SDK2: variants seen among roughly 807,000 people sequenced by gnomAD.
The protein encoded by SDK2 is sidekick cell adhesion molecule 2, also known as protein sidekick-2.
In SDK2, 105 loss-of-function variants were observed where a neutral mutation model predicts 253.9. That is an observed-to-expected ratio of 0.41 (90% CI 0.35 to 0.49). The LOEUF is 0.49. Ranked by LOEUF, SDK2 falls within the 20% of genes least tolerant of loss-of-function variation. The pLI, the probability that SDK2 is intolerant of heterozygous loss-of-function variation, is 0.06. For missense variants in SDK2, 2,608 were observed against 3,003.0 expected, an observed-to-expected ratio of 0.87 and a Z score of 3.07; for synonymous variants, 1,249 against 1,234.9, an observed-to-expected ratio of 1.01 and a Z score of -0.24.
chr17:73,414,134 G>A (rs540878045), intron 18 of SDK2, among the ~76,000 whole-genome samples: 242 of 150,252 alleles, frequency 1.6e-3, no homozygotes, highest in Middle Eastern at 0.01. Context: ...TGCAACCTCC[G>A]CCTCCCAGGT....
chr17:73,396,820 C>T (rs2062974899), intron 24 of SDK2, among the ~76,000 whole-genome samples: 1 of 152,116 alleles, frequency 6.6e-6, no homozygotes, highest in African/African-American at 2.4e-5. Context: ...GGTGGGGATG[C>T]CTGGGAGCAA....
In SDK2 at chr17:73,443,120, A is replaced by G. The variant is rs1051932412; in HGVS notation, c.614-2197T>C. On this transcript the variant is annotated intron_variant, in intron 5 of 44. Coordinates refer to ENST00000392650, the MANE Select transcript of SDK2 (RefSeq NM_001144952.2). The surrounding 1 kb of genome is among the most constrained non-coding windows in gnomAD (Gnocchi z 4.6). ...CATGCTGGGCCCTGCGGTGACAGTG[A>G]CAGGCTGTTCTTTATGGGGTTAGGG... Among the ~76,000 whole-genome samples the G allele has an allele frequency of 1.3e-5, 2 of 152,194 alleles. No homozygotes were observed. The highest frequency in any genetic ancestry group is 2.9e-5 in the Non-Finnish European group (2 of 68,036).
chr17:73,360,662 C>T (rs1398462659), intron 39 of SDK2, among the ~76,000 whole-genome samples: 4 of 151,296 alleles, frequency 2.6e-5, no homozygotes, highest in Non-Finnish European at 4.4e-5. Context: ...TTAAAGGAGG[C>T]GATTGGGCAC....
rs139296340 is a variant in SDK2, at chr17:73,450,411, C to T, written c.480-2663G>A. On this transcript the variant is annotated intron_variant, in intron 4 of 44. Coordinates refer to ENST00000392650, the MANE Select transcript of SDK2 (RefSeq NM_001144952.2). Reference sequence around the variant, plus strand: ...ACCTGTCTCTTCCCACCCCGCAGACCGGGACATGGCCAGCTTCAGGGCTGA... The same window carrying T: ...ACCTGTCTCTTCCCACCCCGCAGACTGGGACATGGCCAGCTTCAGGGCTGA... 5.1e-4 allele frequency among the ~76,000 whole-genome samples: 78 copies of T among 152,304 alleles called. No homozygotes were observed. In the East Asian group the frequency reaches 6.4e-3, roughly 12 times the overall value.
chr17:73,352,402 C>T lies in SDK2; in HGVS notation c.5758+71G>A, dbSNP rs976232621. Reference sequence around the variant, plus strand: ...GGTGCCCTGGTGCCTCTCCTCCTTCCGCCCTGCCCAGTGTCAGCCCCCAGG... The same window carrying T: ...GGTGCCCTGGTGCCTCTCCTCCTTCTGCCCTGCCCAGTGTCAGCCCCCAGG... On this transcript the variant is annotated intron_variant, in intron 41 of 44. Coordinates refer to ENST00000392650, the MANE Select transcript of SDK2 (RefSeq NM_001144952.2). This position sits in a 1 kb window ranked among gnomAD's most constrained non-coding sequence, Gnocchi z 4.1. 6.5e-4 allele frequency: 991 copies of T among 1,530,106 alleles called. No individual in the cohort carries two copies. Among genetic ancestry groups the T allele is most frequent in the Non-Finnish European group, 8.2e-4 (931 of 1,133,376 alleles). 94.8% of individuals were successfully genotyped at this position (1,530,106 alleles called of 1,614,324 possible). A position where few individuals can be genotyped will look rare whatever the true frequency, so the allele number is the denominator to read the frequency against.
intron 1 of SDK2, among the ~76,000 whole-genome samples, chr17:73,551,484 G>A (rs939576328): frequency 2.6e-5 from 4 of 152,188 alleles, no homozygotes; most frequent in Non-Finnish European, 2.9e-5. Flanking sequence ...CGAGGCCTTC[G>A]GTTTTCTCCC....
chr17:73,635,803 A>G (rs976719273), intron 1 of SDK2, among the ~76,000 whole-genome samples: 1 of 151,736 alleles, frequency 6.6e-6, no homozygotes, highest in African/African-American at 2.4e-5. Flanking sequence ...GAATGCCCCA[A>G]ATGACCTTAA....
intron 1 of SDK2, among the ~76,000 whole-genome samples, chr17:73,613,362 C>G (rs2143141524): frequency 6.6e-6 from 1 of 151,508 alleles, no homozygotes; most frequent in South Asian, 2.1e-4. Flanking sequence ...TCTCCCCACC[C>G]CCGCCCTCCA....
At position 73,507,587 on chromosome 17, in the gene SDK2, G is replaced by T; in HGVS notation, c.75C>A (p.Ser25=). The T allele has an allele frequency of 6.4e-7, 1 of 1,551,260 alleles. No homozygotes were observed. Among genetic ancestry groups the T allele is most frequent in the South Asian group, 1.2e-5 (1 of 84,024 alleles). ...IRAARAQDDV[S]PYFKTEPVRT... ...GCACAGGCTCTGTCTTGAAATACGG[G>T]GACACATCATCTGCAGAAACAGGGA... Residue 25 remains serine (S), a synonymous_variant, in exon 2 of 45, where the codon TCC becomes TCA. Coordinates refer to ENST00000392650, the MANE Select transcript of SDK2 (RefSeq NM_001144952.2).
chr17:73,634,090 C>T (rs1303402919), intron 1 of SDK2, among the ~76,000 whole-genome samples: 1 of 152,136 alleles, frequency 6.6e-6, no homozygotes, highest in Admixed American at 6.5e-5. Flanking sequence ...AGCATCCAGA[C>T]CCCATCACTA....
At chr17:73,412,005 TATATGTAG>T in intron 18 of SDK2, among the ~76,000 whole-genome samples, 8 of 126,030 alleles carry the variant, frequency 6.3e-5, no homozygotes, top group African/African-American at 1.3e-4. Flanking sequence ...TACACACATA[TATATGTAG>T]ATATACGTAT....
Position 73,358,067 on chromosome 17 carries a change from G to A in SDK2, c.5593+12C>T. ...GAGCTGTGGGGTCTCAGCCCAGCAG[G>A]GCGGGGCGCACCTGAAGGTCTGGCC... On this transcript the variant is annotated intron_variant, in intron 40 of 44. Coordinates refer to ENST00000392650, the MANE Select transcript of SDK2 (RefSeq NM_001144952.2). 2.5e-6 allele frequency: 4 copies of A among 1,613,124 alleles called. No homozygotes were observed. Among genetic ancestry groups the A allele is most frequent in the Non-Finnish European group, 2.5e-6 (3 of 1,179,776 alleles).
chr17:73,487,755 G>A (rs1477229970), intron 2 of SDK2, among the ~76,000 whole-genome samples: 4 of 152,180 alleles, frequency 2.6e-5, no homozygotes, highest in Admixed American at 6.5e-5. Context: ...AATGGGAAAC[G>A]GGTCTAGGTG....
Position 73,563,130 on chromosome 17 carries a change from A to T in SDK2, c.65-55533T>A, listed in dbSNP as rs1050323877. On this transcript the variant is annotated intron_variant, in intron 1 of 44. Coordinates refer to ENST00000392650, the MANE Select transcript of SDK2 (RefSeq NM_001144952.2). Reference sequence around the variant, plus strand: ...TGGACAGGCACGCACCATGGAGGAGACTCATGGCCTCTGGCAAGGCTGGGA... The same window carrying T: ...TGGACAGGCACGCACCATGGAGGAGTCTCATGGCCTCTGGCAAGGCTGGGA... 1.2e-4 allele frequency among the ~76,000 whole-genome samples: 19 copies of T among 152,290 alleles called. No individual in the cohort carries two copies. The East Asian group carries it at 3.5e-3, about 28-fold the overall frequency.
chr17:73,411,496 C>T (rs2063125271), intron 18 of SDK2, among the ~76,000 whole-genome samples: 2 of 152,014 alleles, frequency 1.3e-5, no homozygotes, highest in African/African-American at 4.8e-5. Context: ...GGCCTCCCCT[C>T]AAATGCTCTG....
rs1308761032 is a variant in SDK2, at chr17:73,374,599, C to A, written c.4980+4578G>T. On this transcript the variant is annotated intron_variant, in intron 36 of 44. Coordinates refer to ENST00000392650, the MANE Select transcript of SDK2 (RefSeq NM_001144952.2). ...TCTTTTGCCTCAGCCTCCCCAGTAG[C>A]TGGAATTACAAGCATGCGCTACCAT... is the stretch of plus-strand genomic sequence containing the variant. 9.7e-5 allele frequency among the ~76,000 whole-genome samples: 14 copies of A among 143,860 alleles called. 3 individuals carry two copies. The highest frequency in any genetic ancestry group is 3.4e-4 in the African/African-American group (12 of 35,756). 94.4% of individuals were successfully genotyped at this position (143,860 alleles called of 152,430 possible).
At chr17:73,425,069 A>C (rs2063269209) in intron 12 of SDK2, among the ~76,000 whole-genome samples, 2 of 152,070 alleles carry the variant, frequency 1.3e-5, no homozygotes, top group Non-Finnish European at 2.9e-5. Context: ...AAAATACAGA[A>C]ATTTGCCGGG....
At chr17:73,600,952 C>T (rs1567866204) in intron 1 of SDK2, among the ~76,000 whole-genome samples, 1 of 152,136 alleles carries the variant, frequency 6.6e-6, no homozygotes, top group East Asian at 1.9e-4. Flanking sequence ...CACAGAAACC[C>T]ACCCAAGAGA....
chr17:73,479,978 C>A (rs758046138), intron 2 of SDK2, among the ~76,000 whole-genome samples: 1 of 152,236 alleles, frequency 6.6e-6, no homozygotes, highest in Non-Finnish European at 1.5e-5. Context: ...CAGGCGTGAG[C>A]CACTGTACCT....
Sources: gnomAD v4.1 joint callset for allele counts (sites outside exome capture counted in the v4.1 genomes callset) on GRCh38, gnomAD v4.1.1 for gene constraint, Gnocchi (gnomAD v3.1) non-coding constraint, MANE v1.5 for transcripts, NCBI Gene and HGNC (gene_info 2026-07-23, HGNC 2026-07-21) for gene names.